Variants in KCND2 observed in about 807,000 individuals in gnomAD.
KCND2 encodes the protein A-type voltage-gated potassium channel KCND2.
In KCND2, 16 loss-of-function variants were observed where a neutral mutation model predicts 54.4. The observed-to-expected ratio is 0.29, with a 90% CI of 0.20 to 0.45. The LOEUF (loss-of-function observed/expected upper bound fraction) is 0.45. Ranked by LOEUF, KCND2 falls within the 20% of genes least tolerant of loss-of-function variation. KCND2 has a pLI of 1.00. For synonymous variants in KCND2, 317 were observed against 310.7 expected, an observed-to-expected ratio of 1.02 and a Z score of -0.21; for missense variants, 486 against 824.2, an observed-to-expected ratio of 0.59 and a Z score of 5.02.
intron 1 of KCND2, among the ~76,000 whole-genome samples, chr7:120,635,009 A>G (rs1308396025): frequency 6.6e-6 from 1 of 152,194 alleles, no homozygotes; most frequent in Non-Finnish European, 1.5e-5. Flanking sequence ...ATTTCTATCG[A>G]TCTTCAAAAT....
chr7:120,536,545 C>T (rs1001437010), intron 1 of KCND2, among the ~76,000 whole-genome samples: 10 of 152,126 alleles, frequency 6.6e-5, no homozygotes, highest in Non-Finnish European at 1.5e-4. Context: ...CCCTGCATTG[C>T]TTTATCAACA....
rs189317416 is a variant in KCND2, at chr7:120,669,014, T to C, written c.1116-63889T>C. Reference sequence around the variant, plus strand: ...AACAGTCTATTCTTCATACTTTCAGTGTATAAATGGATTGATAAAGTTATT... The same window carrying C: ...AACAGTCTATTCTTCATACTTTCAGCGTATAAATGGATTGATAAAGTTATT... On this transcript the variant is annotated intron_variant, in intron 1 of 5. Transcript: ENST00000331113. Among the ~76,000 whole-genome samples, 711 of 152,204 alleles carry C rather than the reference T, an allele frequency of 4.7e-3. 7 individuals carry two copies. The highest frequency in any genetic ancestry group is 0.016 in the African/African-American group (684 of 41,560).
chr7:120,388,469 C>A (rs2116045163), intron 1 of KCND2, among the ~76,000 whole-genome samples: 1 of 152,018 alleles, frequency 6.6e-6, no homozygotes, highest in East Asian at 1.9e-4. Context: ...TCTTAGCAAA[C>A]CAGAAGCCTA....
chr7:120,706,590 T>C (rs533477699), intron 1 of KCND2, among the ~76,000 whole-genome samples: 2 of 152,290 alleles, frequency 1.3e-5, no homozygotes, highest in African/African-American at 4.8e-5. Flanking sequence ...CCTCCTCTTT[T>C]AATGCTATCA....
In KCND2 at chr7:120,468,713, T is replaced by C. The variant is rs573394019; in HGVS notation, c.1115+192966T>C. Among the ~76,000 whole-genome samples the C allele has an allele frequency of 4.1e-4, 62 of 152,278 alleles. 1 individual carries two copies. In the South Asian group the frequency reaches 0.012, roughly 29 times the overall value. Reference sequence around the variant, plus strand: ...TATGTATTTTTTAACATTGAATTGGTTCCACTGTTGCTGTTTTGTATGGAA... The same window carrying C: ...TATGTATTTTTTAACATTGAATTGGCTCCACTGTTGCTGTTTTGTATGGAA... On this transcript the variant is annotated intron_variant, in intron 1 of 5. Transcript: ENST00000331113.
chr7:120,676,085 GC>G (rs1743708480), intron 1 of KCND2, among the ~76,000 whole-genome samples: 1 of 152,042 alleles, frequency 6.6e-6, no homozygotes, highest in African/African-American at 2.4e-5. Context: ...TGATCTGCCT[GC>G]CTCAGCCTCC....
At chr7:120,650,087 A>G (rs1439615845) in intron 1 of KCND2, among the ~76,000 whole-genome samples, 1 of 151,208 alleles carries the variant, frequency 6.6e-6, no homozygotes, top group African/African-American at 2.4e-5. Flanking sequence ...TCTGACAATT[A>G]TGTGTCTTGG....
intron 1 of KCND2, among the ~76,000 whole-genome samples, chr7:120,298,340 T>C (rs1364348169): frequency 6.6e-6 from 1 of 152,226 alleles, no homozygotes. Flanking sequence ...TACTGTGTTA[T>C]GATGGTATTG....
At chr7:120,627,565 T>C (rs1286705260) in intron 1 of KCND2, among the ~76,000 whole-genome samples, 1 of 152,138 alleles carries the variant, frequency 6.6e-6, no homozygotes, top group African/African-American at 2.4e-5. Flanking sequence ...CTTTAAAAAT[T>C]ACTCTTTAAT....
chr7:120,490,313 T>TGTA (rs1237353491), intron 1 of KCND2, among the ~76,000 whole-genome samples: 1 of 152,172 alleles, frequency 6.6e-6, no homozygotes, highest in Non-Finnish European at 1.5e-5. Flanking sequence ...TCAATTGTAT[T>TGTA]GTAGTAGTTG....
At chr7:120,288,580 T>G (rs1210864406) in intron 1 of KCND2, among the ~76,000 whole-genome samples, 1 of 152,150 alleles carries the variant, frequency 6.6e-6, no homozygotes, top group Non-Finnish European at 1.5e-5. Context: ...TGATTTCATG[T>G]TCTTTCTTGA....
chr7:120,719,581 A>G lies in KCND2; in HGVS notation c.1116-13322A>G, dbSNP rs12534630. ...CAAAACCTTCATCTGCAATCTTATAATCTCCTTTAAACACAAGAATATTTT... is the reference window on the plus strand; with the variant it reads ...CAAAACCTTCATCTGCAATCTTATAGTCTCCTTTAAACACAAGAATATTTT... On this transcript the variant is annotated intron_variant, in intron 1 of 5. Coordinates refer to ENST00000331113, the MANE Select transcript of KCND2 (RefSeq NM_012281.3). Among the ~76,000 whole-genome samples the G allele has an allele frequency of 7.0e-3, 1,062 of 152,224 alleles. 10 individuals are homozygous for G. Among genetic ancestry groups the G allele is most frequent in the African/African-American group, 0.024 (991 of 41,528 alleles).
At chr7:120,452,377 A>G (rs992359831) in intron 1 of KCND2, among the ~76,000 whole-genome samples, 5 of 152,220 alleles carry the variant, frequency 3.3e-5, no homozygotes, top group Non-Finnish European at 5.9e-5. Flanking sequence ...GAGCCAAGAT[A>G]GCCAACTAGA....
intron 1 of KCND2, among the ~76,000 whole-genome samples, chr7:120,534,732 T>A (rs1251187848): frequency 6.6e-6 from 1 of 152,154 alleles, no homozygotes; most frequent in African/African-American, 2.4e-5. Flanking sequence ...ACTCTCTGTG[T>A]TATCTTTGCA....
intron 1 of KCND2, among the ~76,000 whole-genome samples, chr7:120,426,725 C>A (rs1801713528): frequency 1.3e-5 from 2 of 151,390 alleles, no homozygotes; most frequent in Admixed American, 1.3e-4. Flanking sequence ...AGGTTCATGC[C>A]ATTCTCTTGC....
intron 1 of KCND2, among the ~76,000 whole-genome samples, chr7:120,714,735 A>G (rs1455907460): frequency 3.3e-5 from 5 of 152,028 alleles, no homozygotes; most frequent in Admixed American, 1.3e-4. Context: ...TCATTTTATA[A>G]CATGCAGCCA....
chr7:120,536,242 TA>T (rs1562866779), intron 1 of KCND2, among the ~76,000 whole-genome samples: 1 of 152,050 alleles, frequency 6.6e-6, no homozygotes, highest in African/African-American at 2.4e-5. Context: ...ATACCTTAAT[TA>T]AAAAAATATA....
chr7:120,464,994 G>A (rs961741660), intron 1 of KCND2, among the ~76,000 whole-genome samples: 1 of 152,142 alleles, frequency 6.6e-6, no homozygotes, highest in Admixed American at 6.6e-5. Flanking sequence ...AATTACAACA[G>A]TAAAACCCCT....
intron 1 of KCND2, among the ~76,000 whole-genome samples, chr7:120,486,973 G>T (rs1178741363): frequency 1.3e-5 from 2 of 152,096 alleles, no homozygotes; most frequent in South Asian, 2.1e-4. Flanking sequence ...CAGTGTTCTT[G>T]ACTGACATAA....
Sources: allele counts gnomAD v4.1 joint callset (sites outside exome capture counted in the v4.1 genomes callset), GRCh38; gene constraint gnomAD v4.1.1; transcripts MANE v1.5; gene names NCBI Gene and HGNC (gene_info 2026-07-23, HGNC 2026-07-21).